Variants in GABBR2 observed in about 807,000 individuals in gnomAD.
GABBR2 encodes the protein gamma-aminobutyric acid type B receptor subunit 2.
A neutral mutation model predicts 105.6 loss-of-function variants in GABBR2; 23 were observed. The observed-to-expected ratio is 0.22, with a 90% CI of 0.16 to 0.31. The LOEUF (loss-of-function observed/expected upper bound fraction) is 0.31. Ranked by LOEUF, GABBR2 falls within the 10% of genes least tolerant of loss-of-function variation. The probability of loss-of-function intolerance (pLI) is 1.00; values close to 1 mark genes in which losing one functional copy is unlikely to be tolerated. For missense variants in GABBR2, 734 were observed against 1,245.5 expected (o/e 0.59, Z 6.18); for synonymous variants, 478 against 499.7 (o/e 0.96, Z 0.58).
intron 1 of GABBR2, among the ~76,000 whole-genome samples, chr9:98,697,984 C>T (rs1026742719): frequency 2.0e-5 from 3 of 152,194 alleles, no homozygotes; most frequent in African/African-American, 7.2e-5. Flanking sequence ...AGAAACAAGA[C>T]GATTTGGATA....
At chr9:98,543,052 C>A (rs1353748616) in intron 2 of GABBR2, among the ~76,000 whole-genome samples, 1 of 152,090 alleles carries the variant, frequency 6.6e-6, no homozygotes, top group African/African-American at 2.4e-5. Flanking sequence ...TTTTAATTTA[C>A]ACTCGATAGT....
chr9:98,547,713 ATC>A (rs1319996664), intron 2 of GABBR2, among the ~76,000 whole-genome samples: 1 of 122,036 alleles, frequency 8.2e-6, no homozygotes, highest in Non-Finnish European at 1.8e-5. Flanking sequence ...ATTTGATATT[ATC>A]TGACTTCCTA....
chr9:98,329,610 G>A (rs930408271), intron 13 of GABBR2, among the ~76,000 whole-genome samples: 4 of 152,184 alleles, frequency 2.6e-5, no homozygotes, highest in Admixed American at 2.0e-4. Context: ...TCACCAATGG[G>A]GCATCTCGGC....
chr9:98,635,102 C>T (rs539910695), intron 1 of GABBR2, among the ~76,000 whole-genome samples: 5 of 152,288 alleles, frequency 3.3e-5, no homozygotes, highest in Admixed American at 1.3e-4. Flanking sequence ...GTAACTTACT[C>T]GAAATACAAC....
At chr9:98,545,765 G>C (rs1564110379) in intron 2 of GABBR2, among the ~76,000 whole-genome samples, 1 of 152,100 alleles carries the variant, frequency 6.6e-6, no homozygotes, top group Non-Finnish European at 1.5e-5. Flanking sequence ...ACTTGAACCC[G>C]GGTCTATAGG....
chr9:98,416,681 T>C (rs553727094), intron 7 of GABBR2, among the ~76,000 whole-genome samples: 28 of 152,358 alleles, frequency 1.8e-4, no homozygotes, highest in African/African-American at 6.7e-4. Flanking sequence ...ATACTAGCTG[T>C]GCAGGGCTTC....
At chr9:98,497,650 C>T (rs1458920373) in intron 3 of GABBR2, among the ~76,000 whole-genome samples, 1 of 152,174 alleles carries the variant, frequency 6.6e-6, no homozygotes, top group Non-Finnish European at 1.5e-5. Context: ...CTCTGGGCCT[C>T]AGTTTCTTCC....
At chr9:98,622,813 C>G (rs956591045) in intron 1 of GABBR2, among the ~76,000 whole-genome samples, 1 of 152,152 alleles carries the variant, frequency 6.6e-6, no homozygotes, top group Non-Finnish European at 1.5e-5. Flanking sequence ...TCACTGCAAA[C>G]TTAGTGGCTT....
chr9:98,290,501 G>T lies in GABBR2; in HGVS notation c.*83C>A. On this transcript the variant is annotated 3_prime_UTR_variant, in exon 19 of 19. Transcript: ENST00000259455. ...ATGGTGCCCAGCTTCTCCGCAGCCAGAGCCGACAGTGTTTCTGCAGCAGAC... is the reference window on the plus strand; with the variant it reads ...ATGGTGCCCAGCTTCTCCGCAGCCATAGCCGACAGTGTTTCTGCAGCAGAC... 9.7e-7 allele frequency: 1 copy of T among 1,026,784 alleles called. No homozygotes were observed. The allele number at this position is 1,026,784 out of a possible 1,614,324, so 63.6% of individuals were successfully genotyped here.
At chr9:98,608,921 G>C (rs1253635617) in intron 1 of GABBR2, among the ~76,000 whole-genome samples, 1 of 152,038 alleles carries the variant, frequency 6.6e-6, no homozygotes, top group Non-Finnish European at 1.5e-5. Flanking sequence ...AGTAGCAGGG[G>C]GAAAATGCAT....
intron 1 of GABBR2, among the ~76,000 whole-genome samples, chr9:98,650,977 T>TAATA (rs1228524311): frequency 1.3e-5 from 2 of 152,090 alleles, no homozygotes; most frequent in Non-Finnish European, 2.9e-5. Context: ...ATGGAAAAGA[T>TAATA]TATTGAGTAG....
chr9:98,578,935 T>C (rs1828961112), intron 1 of GABBR2, among the ~76,000 whole-genome samples: 1 of 151,956 alleles, frequency 6.6e-6, no homozygotes, highest in Admixed American at 6.6e-5. Context: ...AAAGTAGAAA[T>C]GGTGGTTGCC....
rs149604123 is a variant in GABBR2, at chr9:98,392,654, T to C, written c.1378+1521A>G. ...TGCGGAAGAGCCTTCTCTGGTGCCC[T>C]TGCTTTAAAGAAGGAACTTAAAAGC... On this transcript the variant is annotated intron_variant, in intron 9 of 18. Coordinates refer to ENST00000259455, the MANE Select transcript of GABBR2 (RefSeq NM_005458.8). Among the ~76,000 whole-genome samples, 984 of 152,276 alleles carry C rather than the reference T, an allele frequency of 6.5e-3. 6 individuals carry two copies. The highest frequency in any genetic ancestry group is 0.025 in the South Asian group (118 of 4,812).
intron 1 of GABBR2, among the ~76,000 whole-genome samples, chr9:98,679,093 T>C (rs545847361): frequency 2.0e-5 from 3 of 152,268 alleles, no homozygotes; most frequent in South Asian, 2.1e-4. Flanking sequence ...CCCCAAGCAG[T>C]AGGCAAACAG....
At chr9:98,331,930 T>C (rs2038820702) in intron 13 of GABBR2, among the ~76,000 whole-genome samples, 1 of 152,194 alleles carries the variant, frequency 6.6e-6, no homozygotes, top group Non-Finnish European at 1.5e-5. Flanking sequence ...ACAATACACA[T>C]GGACAAAAAG....
At chr9:98,696,924 G>A (rs928245544) in intron 1 of GABBR2, among the ~76,000 whole-genome samples, 4 of 152,140 alleles carry the variant, frequency 2.6e-5, no homozygotes, top group African/African-American at 9.7e-5. Context: ...ATGGGAGAGG[G>A]TGGGGTTGAA....
At chr9:98,538,652 T>C (rs775744097) in intron 3 of GABBR2, 111 of 959,628 alleles carry the variant, frequency 1.2e-4, no homozygotes, top group Non-Finnish European at 1.3e-4. Context: ...AGTAATAAGC[T>C]CCGTGGGAGT....
chr9:98,619,266 C>T lies in GABBR2; in HGVS notation c.322-41194G>A, dbSNP rs188559184. 1.6e-3 allele frequency among the ~76,000 whole-genome samples: 248 copies of T among 152,076 alleles called. 1 individual carries two copies. The highest frequency in any genetic ancestry group is 5.6e-3 in the African/African-American group (233 of 41,498). ...AGCACAAAATAAAATTTTAACCCCC[C>T]ACCCCTGCCCCAGAAAAAATTTATT... On this transcript the variant is annotated intron_variant, in intron 1 of 18. Coordinates refer to ENST00000259455, the MANE Select transcript of GABBR2 (RefSeq NM_005458.8).
intron 1 of GABBR2, among the ~76,000 whole-genome samples, chr9:98,671,365 T>C (rs1046366788): frequency 6.6e-6 from 1 of 152,256 alleles, no homozygotes; most frequent in East Asian, 1.9e-4. Context: ...ATCTATTTTA[T>C]AGATCTACCA....
Sources: allele counts gnomAD v4.1 joint callset (sites outside exome capture counted in the v4.1 genomes callset), GRCh38; gene constraint gnomAD v4.1.1; transcripts MANE v1.5; gene names NCBI Gene and HGNC (gene_info 2026-07-23, HGNC 2026-07-21).